The following TCTN2 variants were observed in gnomAD, a reference collection of about 807,000 sequenced individuals.
TCTN2 encodes tectonic-2.
A neutral mutation model predicts 83.4 loss-of-function variants in TCTN2; 66 were observed. That is an observed-to-expected ratio of 0.79 (90% CI 0.65 to 0.97). The LOEUF is 0.97. TCTN2 is among the 50% of genes least tolerant of loss of function. The pLI, the probability that TCTN2 is intolerant of heterozygous loss-of-function variation, is 0.00. For synonymous variants in TCTN2, 301 were observed against 326.7 expected (o/e 0.92, Z 0.85); for missense variants, 794 against 858.1 (o/e 0.93, Z 0.93).
At chr12:123,689,035 C>A (rs369204438) in intron 7 of TCTN2, among the ~76,000 whole-genome samples, 16 of 151,792 alleles carry the variant, frequency 1.1e-4, no homozygotes, top group African/African-American at 3.9e-4. Flanking sequence ...GGATTACAGG[C>A]ATGAGTCTTT....
Position 123,699,738 on chromosome 12 carries a change from C to T in TCTN2, c.1540C>T (p.Gln514Ter), listed in dbSNP as rs1446188658. 10 of 1,614,018 alleles carry T rather than the reference C, an allele frequency of 6.2e-6. No homozygotes were observed. Among genetic ancestry groups the T allele is most frequent in the Admixed American group, 3.3e-5 (2 of 60,006 alleles). ...NAVERLDSLIQATHVAMRGNS... is the reference protein window; with the variant it reads ...NAVERLDSLI ...TGTTGAAAGACTTGATTCATTAATACAAGCGACTCACGTTGCAATGAGAGG... is the reference window on the plus strand; with the variant it reads ...TGTTGAAAGACTTGATTCATTAATATAAGCGACTCACGTTGCAATGAGAGG... Residue 514 changes from glutamine (Q) to a stop codon, truncating the protein, a stop_gained, in exon 14 of 18, where the codon CAA becomes TAA. Transcript: ENST00000303372. LOFTEE classifies it high-confidence loss of function.
At chr12:123,690,981 G>C (rs1311034825) in intron 8 of TCTN2, among the ~76,000 whole-genome samples, 2 of 152,026 alleles carry the variant, frequency 1.3e-5, no homozygotes, top group Admixed American at 1.3e-4. Context: ...CGATTCTCCT[G>C]CCTCAGCTTC....
At chr12:123,707,120 A>C (rs374380033) in intron 17 of TCTN2, 47 bp downstream of exon 17, 608 of 1,557,526 alleles carry the variant, frequency 3.9e-4, no homozygotes, top group Non-Finnish European at 5.2e-4. Context: ...TGTCAATTTA[A>C]AAAAATTTTT....
At position 123,697,204 on chromosome 12, in the gene TCTN2, T is replaced by TACA; in HGVS notation, c.1505+6_1505+7insACA. The TACA allele has an allele frequency of 6.3e-7, 1 of 1,587,854 alleles. No individual in the cohort carries two copies. Among genetic ancestry groups the TACA allele is most frequent in the Non-Finnish European group, 8.7e-7 (1 of 1,155,990 alleles). ...GAAAATTGTACTCAGCTCAGGTGAG[T>TACA]GTTTCATTGATGAATATATCGGCAA... On this transcript the variant is annotated splice_region_variant and intron_variant, in intron 13 of 17. Coordinates refer to ENST00000303372, the MANE Select transcript of TCTN2 (RefSeq NM_024809.5).
At chr12:123,682,459 C>CTT (rs71088947) in intron 5 of TCTN2, among the ~76,000 whole-genome samples, 3 of 151,266 alleles carry the variant, frequency 2.0e-5, no homozygotes, top group African/African-American at 2.4e-5. Flanking sequence ...ATTCTAGTTT[C>CTT]TTTTTTTTGT....
At chr12:123,706,101 G>A (rs58680194) in intron 15 of TCTN2, among the ~76,000 whole-genome samples, 8,320 of 152,224 alleles carry the variant, frequency 0.055, 447 homozygotes, top group African/African-American at 0.13. Flanking sequence ...TATTGGTTCA[G>A]TTTAGGTCAT....
At chr12:123,704,832 G>C in intron 15 of TCTN2, 144 bp downstream of exon 15, 4 of 842,744 alleles carry the variant, frequency 4.7e-6, no homozygotes, top group Non-Finnish European at 5.8e-6. Context: ...TGCACATATG[G>C]AATATGTACG....
intron 6 of TCTN2, among the ~76,000 whole-genome samples, chr12:123,687,585 C>T (rs541497412): frequency 5.9e-5 from 9 of 151,994 alleles, no homozygotes; most frequent in Non-Finnish European, 1.2e-4. Flanking sequence ...TGAACCCGGG[C>T]GGCGGAGCTT....
chr12:123,687,239 T>C (rs570485051), intron 6 of TCTN2, among the ~76,000 whole-genome samples: 1 of 152,342 alleles, frequency 6.6e-6, no homozygotes, highest in Admixed American at 6.5e-5. Flanking sequence ...AAGAAATTGA[T>C]TGACATTGAA....
intron 13 of TCTN2, among the ~76,000 whole-genome samples, chr12:123,698,073 A>G (rs1956131512): frequency 6.7e-6 from 1 of 150,052 alleles, no homozygotes; most frequent in East Asian, 2.0e-4. Context: ...ACAGAGTTTC[A>G]CTCTTGTTGC....
At chr12:123,683,129 G>A (rs556828784) in intron 5 of TCTN2, among the ~76,000 whole-genome samples, 4 of 151,482 alleles carry the variant, frequency 2.6e-5, no homozygotes, top group East Asian at 2.0e-4. Flanking sequence ...CGGCTGAGGC[G>A]GGAGAATCAC....
intron 9 of TCTN2, among the ~76,000 whole-genome samples, chr12:123,693,125 C>T (rs1474930699): frequency 7.6e-6 from 1 of 132,316 alleles, no homozygotes; most frequent in Non-Finnish European, 1.5e-5. Context: ...CTCCTGAGTT[C>T]AAGTGATTCT....
intron 15 of TCTN2, 50 bp from the exon 16 acceptor site, chr12:123,706,676 G>A: frequency 6.2e-7 from 1 of 1,613,374 alleles, no homozygotes; most frequent in African/African-American, 1.3e-5. Context: ...GTTCTTGGTG[G>A]AATAGAACTG....
At chr12:123,676,464 A>AG (rs1955822203) in intron 4 of TCTN2, among the ~76,000 whole-genome samples, 1 of 146,162 alleles carries the variant, frequency 6.8e-6, no homozygotes, top group Admixed American at 7.0e-5. Flanking sequence ...GCTACTCGAG[A>AG]GGCTGAGGCA....
intron 4 of TCTN2, among the ~76,000 whole-genome samples, chr12:123,674,814 G>A (rs184773232): frequency 1.8e-4 from 27 of 152,236 alleles, no homozygotes; most frequent in Middle Eastern, 3.4e-3. Flanking sequence ...TCGCTTGAGC[G>A]TAGGAGTTTG....
chr12:123,672,205 TATTTA>T, intron 3 of TCTN2, 73 bp downstream of exon 3: 1 of 1,289,900 alleles, frequency 7.8e-7, no homozygotes, highest in Admixed American at 1.7e-5. Context: ...GTGCTCTCTT[TATTTA>T]ACAAGGCATG....
chr12:123,672,843 G>A (rs1444604076), intron 3 of TCTN2, among the ~76,000 whole-genome samples: 1 of 152,212 alleles, frequency 6.6e-6, no homozygotes, highest in East Asian at 1.9e-4. Context: ...CTGAGGTCAG[G>A]AGTTCAAGAC....
At chr12:123,703,209 T>TG (rs1321091778) in intron 14 of TCTN2, among the ~76,000 whole-genome samples, 1 of 151,700 alleles carries the variant, frequency 6.6e-6, no homozygotes, top group African/African-American at 2.4e-5. Context: ...TTTTTTGAGA[T>TG]GGAGTCTCAC....
Position 123,674,603 on chromosome 12 carries a change from A to C in TCTN2, c.463+793A>C, listed in dbSNP as rs149520745. Among the ~76,000 whole-genome samples the C allele has an allele frequency of 2.0e-3, 310 of 152,298 alleles. 1 individual carries two copies. The highest frequency in any genetic ancestry group is 6.8e-3 in the African/African-American group (282 of 41,570). On this transcript the variant is annotated intron_variant, in intron 4 of 17. Coordinates refer to ENST00000303372, the MANE Select transcript of TCTN2 (RefSeq NM_024809.5). ...TTGTCATGACTGCATCTTAAGAAGA[A>C]AAAAGGAAGGGTGGCCAGACGCAGT...
Sources: gnomAD v4.1 joint callset for allele counts (sites outside exome capture counted in the v4.1 genomes callset) on GRCh38, gnomAD v4.1.1 for gene constraint, MANE v1.5 for transcripts, NCBI Gene and HGNC (gene_info 2026-07-23, HGNC 2026-07-21) for gene names.